The following ROR1 variants were observed in gnomAD, a reference collection of about 807,000 sequenced individuals.
The protein encoded by ROR1 is inactive tyrosine-protein kinase transmembrane receptor ROR1.
In ROR1, 19 loss-of-function variants were observed where a neutral mutation model predicts 78.8. That is an observed-to-expected ratio of 0.24 (90% CI 0.17 to 0.35). The LOEUF is 0.35. Among genes scored for constraint, ROR1 ranks in the 10% least tolerant of loss-of-function variants. The probability of loss-of-function intolerance (pLI) is 1.00; values close to 1 mark genes in which losing one functional copy is unlikely to be tolerated. For synonymous variants in ROR1, 386 were observed against 433.6 expected (o/e 0.89, Z 1.36); for missense variants, 917 against 1,177.8 (o/e 0.78, Z 3.24).
Position 63,883,151 on chromosome 1 carries a change from G to A in ROR1, c.91+108643G>A, listed in dbSNP as rs139996616. On this transcript the variant is annotated intron_variant, in intron 1 of 8. Coordinates refer to ENST00000371079, the MANE Select transcript of ROR1 (RefSeq NM_005012.4). ...AGAATGGGTTAACACTTGTTGGAAA[G>A]ATTGTAGAAGGGATTTATGTATTAG... is the stretch of plus-strand genomic sequence containing the variant. 2.5e-3 allele frequency among the ~76,000 whole-genome samples: 383 copies of A among 152,286 alleles called. 1 individual carries two copies. Among genetic ancestry groups the A allele is most frequent in the African/African-American group, 8.0e-3 (334 of 41,564 alleles).
intron 2 of ROR1, among the ~76,000 whole-genome samples, chr1:64,046,443 C>CGGAATAGA (rs1646786193): frequency 1.3e-5 from 2 of 152,210 alleles, no homozygotes; most frequent in African/African-American, 4.8e-5. Context: ...CTTTTGTTCT[C>CGGAATAGA]TCTGGAAACA....
chr1:64,049,290 G>A (rs1421040027), intron 2 of ROR1, among the ~76,000 whole-genome samples: 1 of 152,124 alleles, frequency 6.6e-6, no homozygotes, highest in Admixed American at 6.5e-5. Context: ...TGAGCAAACT[G>A]GAAGGATGTT....
At chr1:63,789,118 A>T in intron 1 of ROR1, 1 of 611,706 alleles carries the variant, frequency 1.6e-6, no homozygotes, top group Non-Finnish European at 3.2e-6. Context: ...TTTTCCTGGC[A>T]TCGAGCCTGG....
intron 2 of ROR1, among the ~76,000 whole-genome samples, chr1:64,013,399 A>G (rs182737582): frequency 1.3e-3 from 204 of 152,196 alleles, no homozygotes; most frequent in African/African-American, 4.6e-3. Flanking sequence ...GACTCTTCTT[A>G]TCTTACCTCC....
At chr1:63,904,311 C>T (rs1182673496) in intron 1 of ROR1, among the ~76,000 whole-genome samples, 1 of 152,158 alleles carries the variant, frequency 6.6e-6, no homozygotes, top group African/African-American at 2.4e-5. Flanking sequence ...CCCAGATAAA[C>T]AAGGATCTTG....
chr1:64,062,848 A>C (rs1007141456), intron 4 of ROR1, among the ~76,000 whole-genome samples: 1 of 152,190 alleles, frequency 6.6e-6, no homozygotes, highest in Non-Finnish European at 1.5e-5. Context: ...GCTAAGCATA[A>C]TGATCAGTTC....
chr1:63,796,154 A>G (rs1644758545), intron 1 of ROR1, among the ~76,000 whole-genome samples: 1 of 151,834 alleles, frequency 6.6e-6, no homozygotes, highest in Non-Finnish European at 1.5e-5. Context: ...TTTTTTTCAG[A>G]AACATTTTTC....
intron 2 of ROR1, among the ~76,000 whole-genome samples, chr1:64,024,605 A>G (rs747152341): frequency 6.6e-6 from 1 of 152,238 alleles, no homozygotes; most frequent in Non-Finnish European, 1.5e-5. Flanking sequence ...GCTTTGTGTT[A>G]TAAATAGTAG....
intron 1 of ROR1, among the ~76,000 whole-genome samples, chr1:63,892,571 G>A (rs946090744): frequency 1.3e-5 from 2 of 152,130 alleles, no homozygotes; most frequent in African/African-American, 4.8e-5. Flanking sequence ...ATAGATAAAT[G>A]TTACTTGCCC....
intron 8 of ROR1, 23 bp downstream of exon 8, chr1:64,159,215 A>G (rs1404520225): frequency 1.3e-6 from 2 of 1,569,840 alleles, no homozygotes; most frequent in Non-Finnish European, 1.8e-6. Context: ...GTACAGAGCT[A>G]CATTTGTTCC....
intron 8 of ROR1, among the ~76,000 whole-genome samples, chr1:64,168,653 A>T (rs1045237916): frequency 6.6e-6 from 1 of 152,248 alleles, no homozygotes; most frequent in African/African-American, 2.4e-5. Context: ...CCAAGCTATG[A>T]CTACAAGTAG....
At chr1:64,143,376 A>T in intron 7 of ROR1, 1 of 981,946 alleles carries the variant, frequency 1.0e-6, no homozygotes, top group Non-Finnish European at 1.2e-6. Context: ...AGAAAAAAAA[A>T]AAAAGAAAAT....
At chr1:64,064,596 G>A (rs1417279461) in intron 4 of ROR1, among the ~76,000 whole-genome samples, 2 of 152,210 alleles carry the variant, frequency 1.3e-5, no homozygotes, top group African/African-American at 4.8e-5. Context: ...CCACTAGAAA[G>A]CCGAGCCTGC....
At chr1:63,939,319 G>A (rs1262835541) in intron 1 of ROR1, among the ~76,000 whole-genome samples, 1 of 152,104 alleles carries the variant, frequency 6.6e-6, no homozygotes, top group Non-Finnish European at 1.5e-5. Flanking sequence ...ATATTTTGAG[G>A]GTCCTAGGTG....
chr1:63,882,008 A>G (rs1404135163), intron 1 of ROR1, among the ~76,000 whole-genome samples: 1 of 152,162 alleles, frequency 6.6e-6, no homozygotes, highest in Admixed American at 6.6e-5. Flanking sequence ...TATGTTAGGT[A>G]CTATAGGAGG....
chr1:63,994,211 T>C (rs1290909014), intron 1 of ROR1, among the ~76,000 whole-genome samples: 2 of 152,224 alleles, frequency 1.3e-5, no homozygotes, highest in African/African-American at 4.8e-5. Flanking sequence ...ATTTTTTTTC[T>C]TTCTGATTGG....
At chr1:63,958,431 A>G (rs1646001532) in intron 1 of ROR1, among the ~76,000 whole-genome samples, 1 of 152,118 alleles carries the variant, frequency 6.6e-6, no homozygotes, top group South Asian at 2.1e-4. Context: ...TTAAATTTTC[A>G]ATTCCCCAGG....
rs1281499539 is a variant in ROR1 at position 64,180,071 on chromosome 1, T to C, written c.*1216T>C. The stretch of plus-strand genomic sequence containing the variant: ...TTCCTAAAAAACAAGTACTGAGTTC[T>C]CATTTCAAAAGTTACCAAGAACTGA... On this transcript the variant is annotated 3_prime_UTR_variant, in exon 9 of 9. Transcript: ENST00000371079. 6.6e-6 allele frequency: 1 copy of C among 152,210 alleles called. No homozygotes were observed. Among genetic ancestry groups the C allele is most frequent in the Non-Finnish European group, 1.5e-5 (1 of 68,036 alleles). 9.4% of individuals were successfully genotyped at this position (152,210 alleles called of 1,614,324 possible).
chr1:64,156,234 C>T (rs1436858498), intron 7 of ROR1, among the ~76,000 whole-genome samples: 2 of 152,204 alleles, frequency 1.3e-5, no homozygotes, highest in Admixed American at 6.5e-5. Context: ...GGCAAAGGGC[C>T]TACTGAAGGT....
Sources: allele counts gnomAD v4.1 joint callset (sites outside exome capture counted in the v4.1 genomes callset), GRCh38; gene constraint gnomAD v4.1.1; transcripts MANE v1.5; gene names NCBI Gene and HGNC (gene_info 2026-07-23, HGNC 2026-07-21).